BCL2L14: variants seen among roughly 807,000 people sequenced by gnomAD.
BCL2L14 encodes the protein BCL2 like 14.
Under a neutral mutation model 35.3 loss-of-function variants are expected in BCL2L14, and 27 were observed. The ratio of observed to expected loss-of-function variants is 0.76; its 90% confidence interval spans 0.56 to 1.05. The LOEUF (loss-of-function observed/expected upper bound fraction) is 1.05, where lower values mean the gene tolerates loss of function less well. Ranked by LOEUF, BCL2L14 falls within the 50% of genes least tolerant of loss-of-function variation. BCL2L14 has a pLI of 0.00. For synonymous variants in BCL2L14, 139 were observed against 145.9 expected, an observed-to-expected ratio of 0.95 and a Z score of 0.34; for missense variants, 377 against 382.6, an observed-to-expected ratio of 0.99 and a Z score of 0.12.
chr12:12,098,928 A>T, intron 5 of BCL2L14, 22 bp from the exon 6 acceptor site: 1 of 1,542,040 alleles, frequency 6.5e-7, no homozygotes, highest in Non-Finnish European at 9.0e-7. Flanking sequence ...TGGAATTTTA[A>T]GAACCTATTT....
At chr12:12,050,031 TA>T (rs1313127346) in intron 1 of BCL2L14, 1 of 152,140 alleles carries the variant, frequency 6.6e-6, no homozygotes, top group Non-Finnish European at 1.5e-5. Flanking sequence ...TCCTAAAATT[TA>T]ATGTGTGAAG....
rs1948661942 is a variant in BCL2L14, at chr12:12,071,027, G to A, written c.-118G>A. ...GTCTTTCCAAACGACAAGCCAAGAA[G>A]ACCTGTTGAAAGTTTCCTCTTAAGT... On this transcript the variant is annotated 5_prime_UTR_variant, in exon 1 of 6. Coordinates refer to ENST00000308721, the MANE Select transcript of BCL2L14 (RefSeq NM_138723.2). 6.6e-6 allele frequency: 1 copy of A among 152,180 alleles called. No homozygotes were observed. The highest frequency in any genetic ancestry group is 1.5e-5 in the Non-Finnish European group (1 of 68,040). 9.4% of individuals were successfully genotyped at this position (152,180 alleles called of 1,614,324 possible).
chr12:12,060,520 G>T lies in BCL2L14; in HGVS notation c.-272+8673G>T, dbSNP rs201898429. 3.8e-5 allele frequency among the ~76,000 whole-genome samples: 4 copies of T among 103,956 alleles called. No individual in the cohort carries two copies. The East Asian group carries it at 1.3e-3, about 34-fold the overall frequency. The allele number at this position is 103,956 out of a possible 152,430, so 68.2% of individuals were successfully genotyped here. On this transcript the variant is annotated intron_variant, in intron 2 of 3. Coordinates refer to the BCL2L14 transcript ENST00000461264. ...GGATTTAATTAACCTCGCCTTCAAGGTGTACAATAATAGAAAAAAGTTGCA... is the reference window on the plus strand; with the variant it reads ...GGATTTAATTAACCTCGCCTTCAAGTTGTACAATAATAGAAAAAAGTTGCA...
chr12:12,062,453 C>T (rs1948540256), intron 2 of BCL2L14, among the ~76,000 whole-genome samples: 1 of 150,792 alleles, frequency 6.6e-6, no homozygotes, highest in Non-Finnish European at 1.5e-5. Context: ...CCTCTTAGAA[C>T]CTCTCATTTC....
chr12:12,064,148 C>T (rs943368323), intron 2 of BCL2L14, among the ~76,000 whole-genome samples: 4 of 152,042 alleles, frequency 2.6e-5, no homozygotes, highest in Non-Finnish European at 5.9e-5. Flanking sequence ...CCACGTGTGG[C>T]CTGTTTGTTT....
Position 12,099,058 on chromosome 12 carries a change from T to C in BCL2L14, c.*70T>C. ...CTGTGCACGTTGGCCTCAGATGGAC[T>C]ACAGGAGATTACAACGTACAAGGCA... On this transcript the variant is annotated 3_prime_UTR_variant, in exon 6 of 6. Transcript: ENST00000308721. The C allele has an allele frequency of 9.3e-7, 1 of 1,075,946 alleles. No homozygotes were observed. The allele number at this position is 1,075,946 out of a possible 1,614,324, so 66.6% of individuals were successfully genotyped here. A position where few individuals can be genotyped will look rare whatever the true frequency, so the allele number is the denominator to read the frequency against.
intron 1 of BCL2L14, among the ~76,000 whole-genome samples, chr12:12,078,608 A>C (rs996822812): frequency 1.3e-5 from 2 of 152,086 alleles, no homozygotes; most frequent in Non-Finnish European, 2.9e-5. Context: ...ACACATTCTG[A>C]ATTCACCTAT....
At chr12:12,067,281 G>A (rs752379175), upstream of BCL2L14, among the ~76,000 whole-genome samples, 2 of 152,174 alleles carry the variant, frequency 1.3e-5, no homozygotes. Context: ...TGGACGTGGT[G>A]GCTCACACCT....
At chr12:12,050,900 C>G (rs760025084) in intron 1 of BCL2L14, among the ~76,000 whole-genome samples, 14 of 151,866 alleles carry the variant, frequency 9.2e-5, no homozygotes, top group Non-Finnish European at 1.3e-4. Flanking sequence ...GAGCCACATT[C>G]AAAGCCATCC....
At chr12:12,066,617 G>A (rs1047663084), upstream of BCL2L14, among the ~76,000 whole-genome samples, 5 of 152,048 alleles carry the variant, frequency 3.3e-5, no homozygotes, top group Admixed American at 6.6e-5. Context: ...TCATTTCTCA[G>A]GAAACAATAG....
chr12:12,066,718 T>TTATTA (rs1948598694), upstream of BCL2L14, among the ~76,000 whole-genome samples: 1 of 146,058 alleles, frequency 6.8e-6, no homozygotes, highest in Non-Finnish European at 1.5e-5. Context: ...TATTATTATT[T>TTATTA]TTTTTTTTTT....
chr12:12,085,596 A>T (rs1048584930), intron 2 of BCL2L14, among the ~76,000 whole-genome samples: 1 of 152,182 alleles, frequency 6.6e-6, no homozygotes, highest in Non-Finnish European at 1.5e-5. Flanking sequence ...TGGACTAACC[A>T]TGGAAAAGAT....
At chr12:12,084,112 C>T (rs1380272347) in intron 2 of BCL2L14, among the ~76,000 whole-genome samples, 1 of 152,054 alleles carries the variant, frequency 6.6e-6, no homozygotes, top group Non-Finnish European at 1.5e-5. Flanking sequence ...AATTCAGCTC[C>T]CTTTTATTTT....
At chr12:12,083,126 G>C (rs61923196) in intron 2 of BCL2L14, among the ~76,000 whole-genome samples, 1 of 152,018 alleles carries the variant, frequency 6.6e-6, no homozygotes, top group African/African-American at 2.4e-5. Context: ...CACCACGCCC[G>C]GCTAATTTTT....
chr12:12,067,093 C>G (rs1948603208), upstream of BCL2L14, among the ~76,000 whole-genome samples: 1 of 151,912 alleles, frequency 6.6e-6, no homozygotes, highest in African/African-American at 2.4e-5. Context: ...GAGACTGAGT[C>G]TCGCTCTGTC....
chr12:12,062,048 C>CT (rs1948533697), intron 2 of BCL2L14, among the ~76,000 whole-genome samples: 1 of 152,022 alleles, frequency 6.6e-6, no homozygotes, highest in Non-Finnish European at 1.5e-5. Context: ...CTGCTGCCGC[C>CT]CTAATACTTT....
intron 2 of BCL2L14, among the ~76,000 whole-genome samples, chr12:12,081,539 C>G (rs1284883088): frequency 6.8e-6 from 1 of 147,416 alleles, no homozygotes; most frequent in East Asian, 2.0e-4. Flanking sequence ...AAGCCCAGTG[C>G]CCAAAGCCCA....
At chr12:12,078,322 G>A (rs962474064) in intron 1 of BCL2L14, among the ~76,000 whole-genome samples, 4 of 152,296 alleles carry the variant, frequency 2.6e-5, no homozygotes, top group Middle Eastern at 6.8e-3. Context: ...AGAAGGAACC[G>A]AGGAAGGGAA....
intron 2 of BCL2L14, among the ~76,000 whole-genome samples, chr12:12,083,839 T>C (rs1004085488): frequency 6.6e-5 from 10 of 152,098 alleles, no homozygotes; most frequent in Non-Finnish European, 1.5e-4. Flanking sequence ...TCTCAGCTAC[T>C]CGAGAGGCTG....
Sources: allele counts gnomAD v4.1 joint callset (sites outside exome capture counted in the v4.1 genomes callset), GRCh38; gene constraint gnomAD v4.1.1; transcripts MANE v1.5; gene names NCBI Gene and HGNC (gene_info 2026-07-23, HGNC 2026-07-21).